Variants in TBCB observed in about 807,000 individuals in gnomAD.
TBCB encodes tubulin-folding cofactor B.
A neutral mutation model predicts 29.2 loss-of-function variants in TBCB; 18 were observed. That is an observed-to-expected ratio of 0.62 (90% CI 0.43 to 0.91). The LOEUF is 0.91. Among genes scored for constraint, TBCB ranks in the 40% least tolerant of loss-of-function variants. TBCB has a pLI of 0.00. For missense variants in TBCB, 336 were observed against 337.6 expected (o/e 1.00, Z 0.04); for synonymous variants, 172 against 137.8 (o/e 1.25, Z -1.74).
chr19:36,115,079 C>T (rs574083522), upstream of TBCB: 75 of 597,708 alleles, frequency 1.3e-4, 2 homozygotes, highest in South Asian at 1.5e-3. Flanking sequence ...TTTTGGGCAT[C>T]GCCGCCTCAG....
intron 4 of TBCB, chr19:36,122,153 C>A (rs1974065997): frequency 3.5e-5 from 9 of 256,378 alleles, no homozygotes; most frequent in South Asian, 3.4e-4. Flanking sequence ...GAGTTCCCGC[C>A]AGAAGGAGTA....
At chr19:36,118,252 G>T (rs1208332905) in intron 2 of TBCB, among the ~76,000 whole-genome samples, 2 of 152,164 alleles carry the variant, frequency 1.3e-5, no homozygotes, top group Non-Finnish European at 2.9e-5. Flanking sequence ...TGGCTAAATG[G>T]CCAGAGGACT....
chr19:36,120,182 T>A (rs960320523), intron 2 of TBCB, among the ~76,000 whole-genome samples: 1 of 152,156 alleles, frequency 6.6e-6, no homozygotes, highest in Non-Finnish European at 1.5e-5. Flanking sequence ...TGGTTGGCCT[T>A]CTCCCTGCAC....
chr19:36,123,266 T>C (rs1449298401), intron 4 of TBCB, among the ~76,000 whole-genome samples: 1 of 151,326 alleles, frequency 6.6e-6, no homozygotes, highest in Non-Finnish European at 1.5e-5. Flanking sequence ...TTTTTTTTTT[T>C]TTTTTTTTCT....
In TBCB at chr19:36,115,510, C is replaced by T; in HGVS notation, c.-51C>T. 2 of 1,403,684 alleles carry T rather than the reference C, an allele frequency of 1.4e-6. No individual in the cohort carries two copies. Among genetic ancestry groups the T allele is most frequent in the Non-Finnish European group, 9.8e-7 (1 of 1,019,198 alleles). 87.0% of individuals were successfully genotyped at this position (1,403,684 alleles called of 1,614,324 possible). A position where few individuals can be genotyped will look rare whatever the true frequency, so the allele number is the denominator to read the frequency against. ...AGCAGCGGCGGCGGCGGCTGCGGAGCGGGTGTGAGGCGGCTGGACCGCGCT... is the reference window on the plus strand; with the variant it reads ...AGCAGCGGCGGCGGCGGCTGCGGAGTGGGTGTGAGGCGGCTGGACCGCGCT... On this transcript the variant is annotated 5_prime_UTR_variant, in exon 1 of 6. Coordinates refer to ENST00000221855, the MANE Select transcript of TBCB (RefSeq NM_001281.3).
Position 36,121,622 on chromosome 19 carries a change from G to C in TBCB, c.451G>C (p.Glu151Gln). 6.4e-7 allele frequency: 1 copy of C among 1,556,626 alleles called. No homozygotes were observed. The highest frequency in any genetic ancestry group is 2.4e-5 in the East Asian group (1 of 41,504). ...QEAEAAQRLAEEKAQASSIPV... is the reference protein window; with the variant it reads ...QEAEAAQRLAQEKAQASSIPV... Reference sequence around the variant, plus strand: ...GGCCGAGGCCGCCCAGCGCCTGGCCGAGGAGAAGGCCCAGGCCAGCTCCAT... The same window carrying C: ...GGCCGAGGCCGCCCAGCGCCTGGCCCAGGAGAAGGCCCAGGCCAGCTCCAT... The change falls in exon 4 of 6, where the codon GAG becomes CAG. Residue 151 changes from glutamate to glutamine, a missense_variant. Coordinates refer to ENST00000221855, the MANE Select transcript of TBCB (RefSeq NM_001281.3).
At chr19:36,123,966 T>C (rs1347062585) in intron 4 of TBCB, among the ~76,000 whole-genome samples, 1 of 152,228 alleles carries the variant, frequency 6.6e-6, no homozygotes, top group Non-Finnish European at 1.5e-5. Flanking sequence ...AACACTGTGC[T>C]TGACTTTTTT....
At chr19:36,122,068 T>G in intron 4 of TBCB, 1 of 369,602 alleles carries the variant, frequency 2.7e-6, no homozygotes, top group South Asian at 2.7e-5. Context: ...GGGGGCTGTG[T>G]GAGCCCAGAG....
chr19:36,123,312 A>G (rs983217999), intron 4 of TBCB, among the ~76,000 whole-genome samples: 13 of 145,610 alleles, frequency 8.9e-5, no homozygotes, highest in Admixed American at 2.1e-4. Flanking sequence ...CCCAGGCTGG[A>G]ATGCAGTGGC....
In TBCB at chr19:36,120,657, C is replaced by T. The variant is rs551787672; in HGVS notation, c.259-53C>T. The T allele has an allele frequency of 9.6e-6, 15 of 1,554,440 alleles. No individual in the cohort carries two copies. The East Asian group carries it at 2.9e-4, about 30-fold the overall frequency. On this transcript the variant is annotated intron_variant, in intron 2 of 5. Coordinates refer to ENST00000221855, the MANE Select transcript of TBCB (RefSeq NM_001281.3). ...ACACTGAAGTCCCTGCACCCAGCAC[C>T]CAGGCCTCCCTGGCCAGACCCTGAT...
At chr19:36,125,378 G>A in intron 4 of TBCB, 73 bp from the exon 5 acceptor site, 1 of 1,534,246 alleles carries the variant, frequency 6.5e-7, no homozygotes, top group Non-Finnish European at 9.0e-7. Flanking sequence ...CATGGATCCA[G>A]GGTGATCCTG....
At position 36,125,695 on chromosome 19, in the gene TBCB, C is replaced by A; in HGVS notation, c.648C>A (p.Cys216Ter). 1.3e-6 allele frequency: 2 copies of A among 1,582,148 alleles called. No individual in the cohort carries two copies. The highest frequency in any genetic ancestry group is 1.2e-5 in the South Asian group (1 of 85,538). The change falls in exon 6 of 6, where the codon TGC becomes TGA. Residue 216 changes from cysteine to a stop codon, truncating the protein, a stop_gained. Coordinates refer to ENST00000221855, the MANE Select transcript of TBCB (RefSeq NM_001281.3). LOFTEE classifies it high-confidence loss of function. ...TGAATGGGAAACGCTACTTCGAATG[C>A]CAGGCCAAGTATGGCGCCTTTGTCA... The part of the protein sequence containing the change: ...GSVNGKRYFE[C>*]QAKYGAFVKP...
At chr19:36,117,056 T>C (rs991055763) in intron 2 of TBCB, among the ~76,000 whole-genome samples, 7 of 152,226 alleles carry the variant, frequency 4.6e-5, no homozygotes, top group African/African-American at 1.4e-4. Flanking sequence ...TGCCTCACCC[T>C]TCCTTCCTGT....
chr19:36,125,113 A>G (rs1974116544), intron 4 of TBCB, among the ~76,000 whole-genome samples: 1 of 152,216 alleles, frequency 6.6e-6, no homozygotes, highest in African/African-American at 2.4e-5. Flanking sequence ...GTTCAAGATC[A>G]AGCTGTCAGC....
intron 2 of TBCB, chr19:36,117,762 T>C (rs1328137779): frequency 6.6e-6 from 1 of 151,924 alleles, no homozygotes; most frequent in Non-Finnish European, 1.5e-5. Flanking sequence ...TGGAGTTTAT[T>C]TATTTATTTT....
At chr19:36,120,603 G>A in intron 2 of TBCB, 107 bp from the exon 3 acceptor site, 1 of 886,490 alleles carries the variant, frequency 1.1e-6, no homozygotes, top group Non-Finnish European at 1.8e-6. Context: ...TACAGGCGAG[G>A]GAGGGAGATG....
intron 4 of TBCB, among the ~76,000 whole-genome samples, chr19:36,123,220 G>A (rs1974084487): frequency 6.6e-6 from 1 of 151,080 alleles, no homozygotes; most frequent in African/African-American, 2.4e-5. Flanking sequence ...TCCACTTTTT[G>A]GCTATTATGA....
At position 36,116,143 on chromosome 19, in the gene TBCB, C is replaced by T. The variant is rs949672949; in HGVS notation, c.217C>T (p.Leu73Phe). 2 of 1,614,174 alleles carry T rather than the reference C, an allele frequency of 1.2e-6. No individual in the cohort carries two copies. Among genetic ancestry groups the T allele is most frequent in the Non-Finnish European group, 1.7e-6 (2 of 1,180,020 alleles). The change falls in exon 2 of 6, where the codon CTC (leucine) becomes TTC (phenylalanine). Residue 73 changes from leucine (L) to phenylalanine (F), a missense_variant. Physicochemically the swap from Leu to Phe is conservative, Grantham distance 22 (BLOSUM62 0). Transcript: ENST00000221855. ...CAGCAAGCTGGATCAAGAGGATGCGCTCCTGGGCTCCTACCCTGTAGATGA... is the reference window on the plus strand; with the variant it reads ...CAGCAAGCTGGATCAAGAGGATGCGTTCCTGGGCTCCTACCCTGTAGATGA... Reference protein sequence around the residue: ...FYSKLDQEDALLGSYPVDDGC... With the variant: ...FYSKLDQEDAFLGSYPVDDGC...
At chr19:36,121,797 G>A (rs763313015) in intron 4 of TBCB, 79 bp downstream of exon 4, 1 of 1,522,308 alleles carries the variant, frequency 6.6e-7, no homozygotes, top group South Asian at 1.2e-5. Flanking sequence ...GTGGAGCCTC[G>A]GAGACCACGC....
Sources: gnomAD v4.1 joint callset for allele counts (sites outside exome capture counted in the v4.1 genomes callset) on GRCh38, gnomAD v4.1.1 for gene constraint, MANE v1.5 for transcripts, NCBI Gene and HGNC (gene_info 2026-07-23, HGNC 2026-07-21) for gene names.